The following ABR variants were observed in gnomAD, a reference collection of about 807,000 sequenced individuals.
The protein encoded by ABR is ABR activator of RhoGEF and GTPase.
In ABR, 35 loss-of-function variants were observed where a neutral mutation model predicts 107.2. The ratio of observed to expected loss-of-function variants is 0.33; its 90% CI spans 0.25 to 0.43. The LOEUF (loss-of-function observed/expected upper bound fraction) is 0.43. Among genes scored for constraint, ABR ranks in the 20% least tolerant of loss-of-function variants. ABR has a pLI of 1.00. For missense variants in ABR, 815 were observed against 1,115.2 expected, an observed-to-expected ratio of 0.73 and a Z score of 3.83; for synonymous variants, 498 against 462.0, an observed-to-expected ratio of 1.08 and a Z score of -1.00.
rs924906539 is a variant in ABR, at chr17:1,134,850, G to T, written c.62-9483C>A. On this transcript the variant is annotated intron_variant, in intron 1 of 22. Transcript: ENST00000302538. The stretch of plus-strand genomic sequence containing the variant: ...CCTAACCTCTCTGTGCCTCCGAGGA[G>T]TGCCTGGCACAGGGTGGCTGCTACT... Among the ~76,000 whole-genome samples the T allele has an allele frequency of 2.0e-5, 3 of 152,366 alleles. No homozygotes were observed. The South Asian group carries it at 6.2e-4, about 32-fold the overall frequency.
chr17:1,150,775 G>A lies in ABR; in HGVS notation c.62-25408C>T, dbSNP rs142521093. ...CGAGCAGGGAGGGACGAAGGGAGGA[G>A]CATCACGCACACAGACGCCGGACTC... On this transcript the variant is annotated intron_variant, in intron 1 of 22. Coordinates refer to ENST00000302538, the MANE Select transcript of ABR (RefSeq NM_021962.5). The surrounding 1 kb of genome is among the most constrained non-coding windows in gnomAD (Gnocchi z 4.8). 3.0e-3 allele frequency among the ~76,000 whole-genome samples: 455 copies of A among 152,280 alleles called. 1 individual carries two copies. The highest frequency in any genetic ancestry group is 0.024 in the Middle Eastern group (7 of 294).
intron 16 of ABR, among the ~76,000 whole-genome samples, chr17:1,017,546 T>G (rs1023964272): frequency 6.8e-6 from 1 of 147,890 alleles, no homozygotes; most frequent in African/African-American, 2.5e-5. Context: ...CTCGGCTGAC[T>G]GCAACCCGTC....
At chr17:1,019,333 C>T (rs926435658) in intron 16 of ABR, among the ~76,000 whole-genome samples, 1 of 152,256 alleles carries the variant, frequency 6.6e-6, no homozygotes, top group African/African-American at 2.4e-5. Flanking sequence ...TCTGCAGCCT[C>T]CCAGGCGACA....
intron 16 of ABR, among the ~76,000 whole-genome samples, chr17:1,038,706 C>T (rs1021285906): frequency 3.7e-4 from 56 of 152,362 alleles, no homozygotes; most frequent in African/African-American, 1.3e-3. Context: ...TGCTGTGAGT[C>T]TGCGGTGGCC....
At chr17:1,014,709 G>A (rs929079175) in intron 16 of ABR, among the ~76,000 whole-genome samples, 4 of 151,818 alleles carry the variant, frequency 2.6e-5, no homozygotes, top group African/African-American at 4.8e-5. Flanking sequence ...AGCCGGGCGC[G>A]GTGGTGGGCG....
In ABR at chr17:1,037,861, G is replaced by A. The variant is rs1362759991; in HGVS notation, c.1791+12189C>T. ...CCAGAAGCAAAGCCCTGGGAGCCAG[G>A]GACCTGTGGACTCAACGGCTGTGTT... On this transcript the variant is annotated intron_variant, in intron 16 of 22. Coordinates refer to ENST00000302538, the MANE Select transcript of ABR (RefSeq NM_021962.5). The surrounding 1 kb of genome is among the most constrained non-coding windows in gnomAD (Gnocchi z 4.6). Among the ~76,000 whole-genome samples, 1 of 152,164 alleles carries A rather than the reference G, an allele frequency of 6.6e-6. No homozygotes were observed.
At chr17:1,140,367 C>G (rs2040240742) in intron 1 of ABR, among the ~76,000 whole-genome samples, 1 of 152,110 alleles carries the variant, frequency 6.6e-6, no homozygotes, top group Non-Finnish European at 1.5e-5. Flanking sequence ...AACGGGCAGC[C>G]AGACAGCAGA....
intron 6 of ABR, among the ~76,000 whole-genome samples, chr17:1,077,671 C>A (rs1411783510): frequency 6.6e-6 from 1 of 152,198 alleles, no homozygotes. Context: ...TGCCATCTCT[C>A]TTCCGGCAAG....
intron 4 of ABR, among the ~76,000 whole-genome samples, chr17:1,088,316 G>A (rs926222703): frequency 2.0e-5 from 3 of 152,082 alleles, no homozygotes; most frequent in African/African-American, 7.2e-5. Context: ...TGCCCCCCAG[G>A]CCACTCAGCT....
At chr17:1,168,677 C>T (rs1393060744) in intron 1 of ABR, among the ~76,000 whole-genome samples, 1 of 152,230 alleles carries the variant, frequency 6.6e-6, no homozygotes, top group Non-Finnish European at 1.5e-5. Context: ...GTGTCCTTCA[C>T]TCAGGGAGGG....
At chr17:1,036,096 C>T (rs1478258725) in intron 16 of ABR, among the ~76,000 whole-genome samples, 2 of 152,118 alleles carry the variant, frequency 1.3e-5, no homozygotes, top group African/African-American at 4.8e-5. Flanking sequence ...ATGCAGCTGC[C>T]GCTTTCCTGG....
chr17:1,221,998 T>C (rs1329077119), intron 1 of ABR, among the ~76,000 whole-genome samples: 1 of 152,048 alleles, frequency 6.6e-6, no homozygotes, highest in Non-Finnish European at 1.5e-5. Flanking sequence ...CAACTGAAAA[T>C]TCCTGGACTT....
rs2071644701 is a variant in ABR at position 1,021,583 on chromosome 17, A to G, written c.1792-8419T>C. The stretch of plus-strand genomic sequence containing the variant: ...CACTTTGGGAGGCCGAGGCGGGCGG[A>G]TCACAAGGTCAGGAGATCGAGACCA... On this transcript the variant is annotated intron_variant, in intron 16 of 22. Coordinates refer to ENST00000302538, the MANE Select transcript of ABR (RefSeq NM_021962.5). Among the ~76,000 whole-genome samples, 4 of 152,138 alleles carry G rather than the reference A, an allele frequency of 2.6e-5. No individual in the cohort carries two copies. The South Asian group carries it at 8.3e-4, about 32-fold the overall frequency.
chr17:1,180,434 G>A (rs754354118), upstream of ABR, among the ~76,000 whole-genome samples: 4 of 152,144 alleles, frequency 2.6e-5, no homozygotes, highest in Non-Finnish European at 4.4e-5. Context: ...CTCTCCTCCC[G>A]AACCTTCCCC....
At chr17:1,025,348 A>G (rs1945404186) in intron 16 of ABR, among the ~76,000 whole-genome samples, 2 of 151,540 alleles carry the variant, frequency 1.3e-5, no homozygotes, top group African/African-American at 4.9e-5. Flanking sequence ...AAATAAATAA[A>G]CAGTGTGAAT....
chr17:1,071,902 G>A lies in ABR; in HGVS notation c.894+712C>T, dbSNP rs1293291373. On this transcript the variant is annotated intron_variant, in intron 8 of 22. Coordinates refer to ENST00000302538, the MANE Select transcript of ABR (RefSeq NM_021962.5). This position sits in a 1 kb window ranked among gnomAD's most constrained non-coding sequence, Gnocchi z 5.1. The stretch of plus-strand genomic sequence containing the variant: ...CAGCCTCAGGTTCTTCTGGCTCACT[G>A]GATTGTTATTATTATTTCTGAGATG... Among the ~76,000 whole-genome samples the A allele has an allele frequency of 6.6e-6, 1 of 152,172 alleles. No individual in the cohort carries two copies. Among genetic ancestry groups the A allele is most frequent in the Non-Finnish European group, 1.5e-5 (1 of 68,026 alleles).
Position 1,078,861 on chromosome 17 carries a change from GC to G in ABR, c.700+468del. 1 of 1,535,538 alleles carries G rather than the reference GC, an allele frequency of 6.5e-7. No individual in the cohort carries two copies. The highest frequency in any genetic ancestry group is 8.7e-7 in the Non-Finnish European group (1 of 1,146,804). ...GCGAATAATGAGGAGAATCTCCATG[GC>G]AGCCTCTGTCCCCGCGGCGGGAGCG... On this transcript the variant is annotated intron_variant, in intron 6 of 22. Transcript: ENST00000302538. This position sits in a 1 kb window ranked among gnomAD's most constrained non-coding sequence, Gnocchi z 7.5.
At position 1,004,441 on chromosome 17, in the gene ABR, G is replaced by A. The variant is rs1280846827; in HGVS notation, c.*1639C>T. The A allele has an allele frequency of 6.6e-6, 1 of 152,546 alleles. No individual in the cohort carries two copies. The highest frequency in any genetic ancestry group is 2.4e-5 in the African/African-American group (1 of 41,442). 9.4% of individuals were successfully genotyped at this position (152,546 alleles called of 1,614,324 possible). ...AAACCCTTCTTTAAGACTCAGCCCT[G>A]AGCACAAGCAATGGGAACTGAGCTC... On this transcript the variant is annotated 3_prime_UTR_variant, in exon 23 of 23. Transcript: ENST00000302538.
chr17:1,177,263 T>C (rs2041948506), intron 1 of ABR, among the ~76,000 whole-genome samples: 1 of 152,208 alleles, frequency 6.6e-6, no homozygotes, highest in African/African-American at 2.4e-5. Context: ...AGCCCAAACA[T>C]GACTGCACAG....
Sources: gnomAD v4.1 joint callset for allele counts (sites outside exome capture counted in the v4.1 genomes callset) on GRCh38, gnomAD v4.1.1 for gene constraint, Gnocchi (gnomAD v3.1) non-coding constraint, MANE v1.5 for transcripts, NCBI Gene and HGNC (gene_info 2026-07-23, HGNC 2026-07-21) for gene names.